The following RAB38 variants were observed in gnomAD, a reference collection of about 807,000 sequenced individuals.
RAB38 encodes the protein RAB38, member RAS oncogene family.
Under a neutral mutation model 18.4 loss-of-function variants are expected in RAB38, and 15 were observed. That is an observed-to-expected ratio of 0.82 (90% CI 0.55 to 1.26). The LOEUF (loss-of-function observed/expected upper bound fraction) is 1.26. Ranked by LOEUF, RAB38 falls within the 50% of genes most tolerant of loss-of-function variation. RAB38 has a pLI of 0.00. For missense variants in RAB38, 294 were observed against 267.4 expected (o/e 1.10, Z -0.69); for synonymous variants, 101 against 104.4 (o/e 0.97, Z 0.20).
chr11:87,879,206 T>A, the RAB38 span, among the ~76,000 whole-genome samples: 49 of 151,798 alleles, frequency 3.2e-4, no homozygotes, highest in African/African-American at 1.1e-3. Flanking sequence ...TGGCTTAAGT[T>A]GAGCATAAAA....
At chr11:88,010,365 A>G in the RAB38 span, among the ~76,000 whole-genome samples, 1 of 152,226 alleles carries the variant, frequency 6.6e-6, no homozygotes, top group African/African-American at 2.4e-5. Flanking sequence ...TGTAATCAAG[A>G]GGAAAGAGAA....
intron 2 of RAB38, among the ~76,000 whole-genome samples, chr11:88,125,989 T>C (rs1942690653): frequency 6.6e-6 from 1 of 152,254 alleles, no homozygotes; most frequent in African/African-American, 2.4e-5. Context: ...TCCCCATTTC[T>C]TGTTTTTGTC....
At chr11:87,876,767 G>A in the RAB38 span, among the ~76,000 whole-genome samples, 4 of 151,676 alleles carry the variant, frequency 2.6e-5, no homozygotes, top group Non-Finnish European at 5.9e-5. Context: ...ACAAGACTTT[G>A]GTGAAAGAGA....
At chr11:87,956,378 G>A in the RAB38 span, among the ~76,000 whole-genome samples, 6 of 152,242 alleles carry the variant, frequency 3.9e-5, no homozygotes, top group African/African-American at 1.4e-4. Flanking sequence ...TTAGTCATCT[G>A]CATTGGAGAC....
chr11:88,081,007 A>G, the RAB38 span, among the ~76,000 whole-genome samples: 1 of 152,000 alleles, frequency 6.6e-6, no homozygotes, highest in Non-Finnish European at 1.5e-5. Context: ...GTTGGACAAA[A>G]TATTTTAAGA....
At chr11:87,936,236 TTTC>T in the RAB38 span, among the ~76,000 whole-genome samples, 133 of 152,236 alleles carry the variant, frequency 8.7e-4, 1 homozygote, top group African/African-American at 2.9e-3. Context: ...TACAAGATTT[TTTC>T]TTATGTTTTT....
the RAB38 span, among the ~76,000 whole-genome samples, chr11:88,019,066 A>C: frequency 1.3e-5 from 2 of 151,980 alleles, no homozygotes; most frequent in Non-Finnish European, 2.9e-5. Flanking sequence ...CTAAAAAATG[A>C]AGTACTCTGC....
chr11:88,158,105 C>CTG (rs1350398194), intron 1 of RAB38, among the ~76,000 whole-genome samples: 1 of 152,114 alleles, frequency 6.6e-6, no homozygotes. Context: ...GACATTACAA[C>CTG]TGATCCCACA....
the RAB38 span, among the ~76,000 whole-genome samples, chr11:88,101,627 T>C: frequency 6.6e-6 from 1 of 151,844 alleles, no homozygotes; most frequent in East Asian, 1.9e-4. Context: ...TCATTTTATG[T>C]ATTTTATTTA....
At chr11:87,906,880 T>G in the RAB38 span, among the ~76,000 whole-genome samples, 1 of 152,078 alleles carries the variant, frequency 6.6e-6, no homozygotes, top group East Asian at 1.9e-4. Context: ...ACTAATACAA[T>G]TCATCCTTTA....
At chr11:87,915,640 T>C in the RAB38 span, among the ~76,000 whole-genome samples, 1 of 152,144 alleles carries the variant, frequency 6.6e-6, no homozygotes, top group Non-Finnish European at 1.5e-5. Flanking sequence ...GTTTAGTATG[T>C]AATCAAGAAG....
the RAB38 span, among the ~76,000 whole-genome samples, chr11:87,936,938 C>A: frequency 8.6e-5 from 13 of 151,828 alleles, no homozygotes; most frequent in African/African-American, 2.9e-4. Flanking sequence ...TTATTTCTTC[C>A]TTTTAGATTT....
the RAB38 span, among the ~76,000 whole-genome samples, chr11:88,027,843 A>G: frequency 2.0e-5 from 3 of 152,190 alleles, no homozygotes; most frequent in African/African-American, 7.2e-5. Context: ...GCAGACTTAA[A>G]TGTCCCTGTC....
At chr11:87,975,577 A>C in the RAB38 span, among the ~76,000 whole-genome samples, 3 of 151,900 alleles carry the variant, frequency 2.0e-5, no homozygotes, top group South Asian at 6.2e-4. Flanking sequence ...ACAATCTTTA[A>C]TAGACAACTG....
the RAB38 span, among the ~76,000 whole-genome samples, chr11:87,805,722 CAT>C: frequency 2.3e-5 from 3 of 132,856 alleles, no homozygotes; most frequent in Admixed American, 7.3e-5. Context: ...TATACACACA[CAT>C]ATATACACAC....
At chr11:87,898,410 A>G in the RAB38 span, among the ~76,000 whole-genome samples, 1 of 151,672 alleles carries the variant, frequency 6.6e-6, no homozygotes, top group Non-Finnish European at 1.5e-5. Context: ...TTCTCAATGT[A>G]TATGAAATCA....
intron 1 of RAB38, chr11:88,173,706 A>C: frequency 2.0e-6 from 2 of 981,646 alleles, no homozygotes; most frequent in Non-Finnish European, 2.4e-6. Context: ...AAGAAAGTAC[A>C]CAGAGAGAAT....
At chr11:87,805,606 C>T in the RAB38 span, among the ~76,000 whole-genome samples, 1 of 2,868 alleles carries the variant, frequency 3.5e-4, no homozygotes, top group South Asian at 0.038. Context: ...GAAAACACTA[C>T]ACACACACAC....
the RAB38 span, among the ~76,000 whole-genome samples, chr11:87,933,572 C>T: frequency 1.3e-5 from 2 of 152,042 alleles, no homozygotes; most frequent in African/African-American, 4.8e-5. Context: ...AAATGTGAAG[C>T]TTCCTTGGTG....
Sources: allele counts gnomAD v4.1 joint callset (sites outside exome capture counted in the v4.1 genomes callset), GRCh38; gene constraint gnomAD v4.1.1; transcripts MANE v1.5; gene names NCBI Gene and HGNC (gene_info 2026-07-23, HGNC 2026-07-21).